The following WDR86 variants were observed in gnomAD, a reference collection of about 807,000 sequenced individuals.
The protein encoded by WDR86 is WD repeat-containing protein 86.
A neutral mutation model predicts 36.5 loss-of-function variants in WDR86; 30 were observed. The observed-to-expected ratio is 0.82, with a 90% CI of 0.61 to 1.11. WDR86 has a LOEUF of 1.11. WDR86 is among the 50% of genes most tolerant of loss of function. The pLI, the probability that WDR86 is intolerant of heterozygous loss-of-function variation, is 0.00. For synonymous variants in WDR86, 255 were observed against 252.9 expected, an observed-to-expected ratio of 1.01 and a Z score of -0.08; for missense variants, 545 against 561.2, an observed-to-expected ratio of 0.97 and a Z score of 0.29.
intron 3 of WDR86, among the ~76,000 whole-genome samples, chr7:151,395,518 C>CGG (rs1799753064): frequency 2.0e-5 from 3 of 151,848 alleles, no homozygotes; most frequent in Admixed American, 2.0e-4. Context: ...CACACACACA[C>CGG]ACACACACAC....
intron 1 of WDR86, chr7:151,408,557 A>G (rs1800915226): frequency 4.8e-6 from 1 of 209,698 alleles, no homozygotes; most frequent in Non-Finnish European, 1.0e-5. Context: ...CTAATATCCT[A>G]CCTAAGTTGG....
Position 151,409,751 on chromosome 7 carries a change from T to C in WDR86, c.-162A>G. 1 of 1,284,252 alleles carries C rather than the reference T, an allele frequency of 7.8e-7. No individual in the cohort carries two copies. Among genetic ancestry groups the C allele is most frequent in the Non-Finnish European group, 9.8e-7 (1 of 1,019,856 alleles). The allele number at this position is 1,284,252 out of a possible 1,614,324, so 79.6% of individuals were successfully genotyped here. On this transcript the variant is annotated 5_prime_UTR_variant, in exon 1 of 6. Transcript: ENST00000334493. The surrounding 1 kb of genome is among the most constrained non-coding windows in gnomAD (Gnocchi z 5.2). ...GCGGCGAGGGGAGGGTGAAGGACCC[T>C]AGCTCCCCGCTGCCTCCAGCCTCTG...
At chr7:151,402,073 ATATAT>A (rs1563064850) in intron 1 of WDR86, among the ~76,000 whole-genome samples, 8 of 77,728 alleles carry the variant, frequency 1.0e-4, no homozygotes, top group Non-Finnish European at 1.5e-4. Context: ...AAAAAAAAAT[ATATAT>A]ATATATATAT....
chr7:151,388,548 C>T lies in WDR86; in HGVS notation c.727-3325G>A, dbSNP rs1257711462. Among the ~76,000 whole-genome samples the T allele has an allele frequency of 6.6e-6, 1 of 152,230 alleles. No homozygotes were observed. The highest frequency in any genetic ancestry group is 2.4e-5 in the African/African-American group (1 of 41,468). On this transcript the variant is annotated intron_variant, in intron 3 of 5. Coordinates refer to ENST00000334493, the MANE Select transcript of WDR86 (RefSeq NM_198285.3). The surrounding 1 kb of genome is among the most constrained non-coding windows in gnomAD (Gnocchi z 4.2). ...TCCTCACACCATCTCTGGCCCGACC[C>T]TCTCCAAAGGAGGCCTGTGTGCTCC...
rs1452621894 is a variant in WDR86, at chr7:151,409,267, A to G, written c.163+160T>C. 1.4e-5 allele frequency: 17 copies of G among 1,244,076 alleles called. No individual in the cohort carries two copies. Among genetic ancestry groups the G allele is most frequent in the Non-Finnish European group, 1.9e-5 (17 of 891,834 alleles). 77.1% of individuals were successfully genotyped at this position (1,244,076 alleles called of 1,614,324 possible). On this transcript the variant is annotated intron_variant, in intron 1 of 5. Transcript: ENST00000334493. The surrounding 1 kb of genome is among the most constrained non-coding windows in gnomAD (Gnocchi z 5.2). Reference sequence around the variant, plus strand: ...CACCCTGCCCTGCCGTGCGCTCAACAGCCAGATGCTGGGCCCAGACAAGCG... The same window carrying G: ...CACCCTGCCCTGCCGTGCGCTCAACGGCCAGATGCTGGGCCCAGACAAGCG...
chr7:151,385,063 G>A, intron 4 of WDR86, 25 bp downstream of exon 4: 2 of 1,569,626 alleles, frequency 1.3e-6, no homozygotes, highest in Non-Finnish European at 8.7e-7. Context: ...GGGTGGCACA[G>A]GTCGTGCAGG....
chr7:151,409,816 G>A lies in WDR86; in HGVS notation c.-227C>T. ...GGGCGCTGCGGGGGGCGGCCCACTC[G>A]GGACCTCCGCCCTGGGTAGAGTCCT... On this transcript the variant is annotated 5_prime_UTR_variant, in exon 1 of 6. Coordinates refer to ENST00000334493, the MANE Select transcript of WDR86 (RefSeq NM_198285.3). The surrounding 1 kb of genome is among the most constrained non-coding windows in gnomAD (Gnocchi z 5.2). 7.9e-7 allele frequency: 1 copy of A among 1,258,934 alleles called. No individual in the cohort carries two copies. The highest frequency in any genetic ancestry group is 9.9e-7 in the Non-Finnish European group (1 of 1,005,222). 78.0% of individuals were successfully genotyped at this position (1,258,934 alleles called of 1,614,324 possible). A position where few individuals can be genotyped will look rare whatever the true frequency, so the allele number is the denominator to read the frequency against.
chr7:151,382,266 C>G (rs1021360783), intron 4 of WDR86, among the ~76,000 whole-genome samples: 3 of 152,230 alleles, frequency 2.0e-5, no homozygotes, highest in African/African-American at 7.2e-5. Flanking sequence ...GGTTTCCGTG[C>G]CTGCTTGGGA....
At chr7:151,380,863 T>C (rs913661906), downstream of WDR86, among the ~76,000 whole-genome samples, 14 of 133,488 alleles carry the variant, frequency 1.0e-4, no homozygotes, top group Non-Finnish European at 4.6e-5. Context: ...AAAATGACCC[T>C]GCTCCCAAGC....
chr7:151,372,225 A>G (rs1797992249), downstream of WDR86, among the ~76,000 whole-genome samples: 1 of 152,246 alleles, frequency 6.6e-6, no homozygotes, highest in Non-Finnish European at 1.5e-5. Flanking sequence ...ACTTAACTGT[A>G]GCCACTTCAG....
intron 3 of WDR86, 33 bp from the exon 4 acceptor site, chr7:151,385,256 G>A (rs1365188705): frequency 3.7e-6 from 6 of 1,606,282 alleles, no homozygotes; most frequent in African/African-American, 1.3e-5. Flanking sequence ...TCGGCAGCTG[G>A]GGCAGCTCTG....
At chr7:151,407,407 C>T (rs1350634260) in intron 1 of WDR86, among the ~76,000 whole-genome samples, 3 of 152,234 alleles carry the variant, frequency 2.0e-5, no homozygotes, top group Non-Finnish European at 4.4e-5. Context: ...AGGCTACCGG[C>T]AGCCTGGCAA....
At chr7:151,377,344 A>C, downstream of WDR86, 3 of 345,296 alleles carry the variant, frequency 8.7e-6, no homozygotes, top group Non-Finnish European at 1.1e-5. Flanking sequence ...TGGGTGTAGG[A>C]GGGGGTGGGC....
In WDR86 at chr7:151,381,800, G is replaced by A. The variant is rs1798599398; in HGVS notation, c.967-54C>T. 2.9e-6 allele frequency: 4 copies of A among 1,383,876 alleles called. No individual in the cohort carries two copies. Among genetic ancestry groups the A allele is most frequent in the African/African-American group, 1.5e-5 (1 of 67,952 alleles). The allele number at this position is 1,383,876 out of a possible 1,614,324, so 85.7% of individuals were successfully genotyped here. On this transcript the variant is annotated intron_variant, in intron 5 of 5. Coordinates refer to ENST00000334493, the MANE Select transcript of WDR86 (RefSeq NM_198285.3). This position sits in a 1 kb window ranked among gnomAD's most constrained non-coding sequence, Gnocchi z 4.8. ...TGACGCGGTAGGCGGGGGGGACACCGCTGCCCGCGTGGATGGATCGGGGCG... is the reference window on the plus strand; with the variant it reads ...TGACGCGGTAGGCGGGGGGGACACCACTGCCCGCGTGGATGGATCGGGGCG...
At chr7:151,384,405 A>G (rs1053390151) in intron 4 of WDR86, among the ~76,000 whole-genome samples, 46 of 152,360 alleles carry the variant, frequency 3.0e-4, no homozygotes, top group African/African-American at 1.1e-3. Flanking sequence ...AGCTTCCAGG[A>G]AAGATCTTAA....
At chr7:151,394,216 T>C (rs1485500412) in intron 3 of WDR86, among the ~76,000 whole-genome samples, 1 of 152,070 alleles carries the variant, frequency 6.6e-6, no homozygotes, top group East Asian at 1.9e-4. Context: ...GGGACCTGAG[T>C]TAGAGACATG....
intron 4 of WDR86, among the ~76,000 whole-genome samples, chr7:151,383,082 C>A (rs59630905): frequency 0.019 from 2,783 of 149,252 alleles, 94 homozygotes; most frequent in African/African-American, 0.066. Flanking sequence ...AACTCCTGGG[C>A]TCAAACGATC....
Position 151,395,494 on chromosome 7 carries a change from G to A in WDR86, c.726+282C>T, listed in dbSNP as rs567050565. On this transcript the variant is annotated intron_variant, in intron 3 of 5. Coordinates refer to ENST00000334493, the MANE Select transcript of WDR86 (RefSeq NM_198285.3). ...TGGTGTCCTTCTAAGAAGAGATTAGGACACACACACACACACACACACACA... is the reference window on the plus strand; with the variant it reads ...TGGTGTCCTTCTAAGAAGAGATTAGAACACACACACACACACACACACACA... 1.0e-4 allele frequency among the ~76,000 whole-genome samples: 15 copies of A among 147,154 alleles called. No individual in the cohort carries two copies. The South Asian group carries it at 3.3e-3, about 33-fold the overall frequency.
In WDR86 at chr7:151,409,272, G is replaced by T. The variant is rs1436734955; in HGVS notation, c.163+155C>A. On this transcript the variant is annotated intron_variant, in intron 1 of 5. Transcript: ENST00000334493. This position sits in a 1 kb window ranked among gnomAD's most constrained non-coding sequence, Gnocchi z 5.2. ...TGCCCTGCCGTGCGCTCAACAGCCA[G>T]ATGCTGGGCCCAGACAAGCGCTCTT... 4.1e-6 allele frequency: 5 copies of T among 1,234,544 alleles called. No homozygotes were observed. Among genetic ancestry groups the T allele is most frequent in the Non-Finnish European group, 5.6e-6 (5 of 896,482 alleles). The allele number at this position is 1,234,544 out of a possible 1,614,324, so 76.5% of individuals were successfully genotyped here.
Sources: allele counts gnomAD v4.1 joint callset (sites outside exome capture counted in the v4.1 genomes callset), GRCh38; gene constraint gnomAD v4.1.1; non-coding constraint Gnocchi (gnomAD v3.1); transcripts MANE v1.5; gene names NCBI Gene and HGNC (gene_info 2026-07-23, HGNC 2026-07-21).